The following CSAD variants were observed in gnomAD, a reference collection of about 807,000 sequenced individuals.
CSAD encodes cysteine sulfinic acid decarboxylase.
A neutral mutation model predicts 61.5 loss-of-function variants in CSAD; 47 were observed. The ratio of observed to expected loss-of-function variants is 0.76; its 90% CI spans 0.60 to 0.97. The LOEUF (loss-of-function observed/expected upper bound fraction) is 0.97. Ranked by LOEUF, CSAD falls within the 50% of genes least tolerant of loss-of-function variation. CSAD has a pLI of 0.00. For missense variants in CSAD, 611 were observed against 643.6 expected (o/e 0.95, Z 0.55); for synonymous variants, 245 against 252.7 (o/e 0.97, Z 0.29).
At chr12:53,169,999 G>T in intron 10 of CSAD, 73 bp downstream of exon 10, 1 of 1,331,876 alleles carries the variant, frequency 7.5e-7, no homozygotes, top group South Asian at 1.2e-5. Context: ...AGGATGCCTT[G>T]AGAAAGGAGA....
chr12:53,173,748 G>C lies in CSAD; in HGVS notation c.-27C>G. On this transcript the variant is annotated 5_prime_UTR_variant, in exon 3 of 17. Coordinates refer to ENST00000444623, the MANE Select transcript of CSAD (RefSeq NM_001244705.2). The stretch of plus-strand genomic sequence containing the variant: ...CTTACCTCTCTGCTCAGGAGAGCCG[G>C]AGGCAGGGTGCACAGGTAGCTCCTC... 6.2e-7 allele frequency: 1 copy of C among 1,613,100 alleles called. No individual in the cohort carries two copies. Among genetic ancestry groups the C allele is most frequent in the Non-Finnish European group, 8.5e-7 (1 of 1,179,212 alleles).
chr12:53,181,020 C>T (rs559372403), upstream of CSAD: 26 of 834,120 alleles, frequency 3.1e-5, no homozygotes, highest in African/African-American at 1.3e-4. Context: ...CCCCTGCCCG[C>T]GCGTCCCGCC....
rs1286212649 is a variant in CSAD at position 53,158,033 on chromosome 12, T to C, written c.*478A>G. ...ATAACATTTCATCATATAGACATAC[T>C]GTAATTTATTTAAACACTCTCCTAA... On this transcript the variant is annotated 3_prime_UTR_variant, in exon 17 of 17. Coordinates refer to ENST00000444623, the MANE Select transcript of CSAD (RefSeq NM_001244705.2). 1 of 152,304 alleles carries C rather than the reference T, an allele frequency of 6.6e-6. No individual in the cohort carries two copies. The highest frequency in any genetic ancestry group is 2.4e-5 in the African/African-American group (1 of 41,412). 9.4% of individuals were successfully genotyped at this position (152,304 alleles called of 1,614,324 possible). A position where few individuals can be genotyped will look rare whatever the true frequency, so the allele number is the denominator to read the frequency against.
intron 10 of CSAD, among the ~76,000 whole-genome samples, chr12:53,162,351 C>T (rs1291083681): frequency 2.0e-5 from 3 of 150,298 alleles, no homozygotes; most frequent in East Asian, 4.0e-4. Flanking sequence ...GGGTGGATCA[C>T]GAGATCAGGA....
rs1231322414 is a variant in CSAD at position 53,170,656 on chromosome 12, T to C, written c.568-154A>G. ...GAATCGCCTGGGTGTCTGGTTAAAA[T>C]GAAATGCAGGTTCTGGTCCACTAGG... On this transcript the variant is annotated intron_variant, in intron 8 of 16. Transcript: ENST00000444623. The C allele has an allele frequency of 1.2e-5, 8 of 654,590 alleles. No individual in the cohort carries two copies. The East Asian group carries it at 2.2e-4, about 18-fold the overall frequency. The allele number at this position is 654,590 out of a possible 1,614,324, so 40.5% of individuals were successfully genotyped here.
Position 53,180,848 on chromosome 12 carries a change from GCC to G in CSAD, c.-209_-208del. ...GGCCGCGCCTGGCAGGTAGGAGCAA[GCC>G]CCAAAGACCGCAGCGTCGTCCGTAC... is the stretch of plus-strand genomic sequence containing the variant. On this transcript the variant is annotated 5_prime_UTR_variant, in exon 1 of 17. Coordinates refer to ENST00000444623, the MANE Select transcript of CSAD (RefSeq NM_001244705.2). 1 of 1,267,396 alleles carries G rather than the reference GCC, an allele frequency of 7.9e-7. No individual in the cohort carries two copies. The highest frequency in any genetic ancestry group is 1.0e-6 in the Non-Finnish European group (1 of 980,478). 78.5% of individuals were successfully genotyped at this position (1,267,396 alleles called of 1,614,324 possible). A position where few individuals can be genotyped will look rare whatever the true frequency, so the allele number is the denominator to read the frequency against.
chr12:53,165,005 A>C (rs1939729062), intron 10 of CSAD, among the ~76,000 whole-genome samples: 1 of 152,242 alleles, frequency 6.6e-6, no homozygotes, highest in Admixed American at 6.5e-5. Flanking sequence ...CCTCACACCT[A>C]TTAGGATAAC....
intron 14 of CSAD, 66 bp downstream of exon 14, chr12:53,160,054 G>A: frequency 6.2e-7 from 1 of 1,604,336 alleles, no homozygotes; most frequent in African/African-American, 1.3e-5. Context: ...CCGGGAGCAG[G>A]AAAGAGGGAG....
At chr12:53,181,183 G>C, upstream of CSAD, 1 of 985,410 alleles carries the variant, frequency 1.0e-6, no homozygotes, top group Non-Finnish European at 1.2e-6. Context: ...GCCGCGCCGG[G>C]CTTCGCCTGC....
At chr12:53,178,682 G>T (rs1028738716) in intron 2 of CSAD, among the ~76,000 whole-genome samples, 1 of 152,092 alleles carries the variant, frequency 6.6e-6, no homozygotes, top group Non-Finnish European at 1.5e-5. Flanking sequence ...CTACTCAGGA[G>T]GCTAAGCCAG....
chr12:53,179,399 C>A (rs1941379685), intron 1 of CSAD, among the ~76,000 whole-genome samples: 1 of 152,104 alleles, frequency 6.6e-6, no homozygotes, highest in Non-Finnish European at 1.5e-5. Flanking sequence ...GCATATATAC[C>A]AAACTGGTAA....
In CSAD at chr12:53,174,503, A is replaced by G. The variant is rs576179288; in HGVS notation, c.-49-733T>C. 2.0e-5 allele frequency among the ~76,000 whole-genome samples: 3 copies of G among 151,998 alleles called. No homozygotes were observed. The South Asian group carries it at 6.2e-4, about 32-fold the overall frequency. On this transcript the variant is annotated intron_variant, in intron 2 of 16. Transcript: ENST00000444623. The stretch of plus-strand genomic sequence containing the variant: ...AAAATAACGGTTCTTTTTAAACAAT[A>G]TAAAAATTGTCCGCGTGTGGTGGCT...
At chr12:53,173,659 GA>G in intron 3 of CSAD, 68 bp downstream of exon 3, 1 of 1,446,930 alleles carries the variant, frequency 6.9e-7, no homozygotes, top group Non-Finnish European at 9.7e-7. Flanking sequence ...AGGTGGGAGA[GA>G]AAAGGCAGTC....
intron 10 of CSAD, among the ~76,000 whole-genome samples, chr12:53,162,836 C>A (rs978417207): frequency 6.6e-6 from 1 of 151,654 alleles, no homozygotes; most frequent in East Asian, 1.9e-4. Context: ...CCGAGGCGGG[C>A]GGATCACCTG....
chr12:53,180,481 GGCCGGGGCGCGCCCCGGCCACGGCGC>G (rs1941496743), intron 1 of CSAD: 1 of 1,216,704 alleles, frequency 8.2e-7, no homozygotes, highest in Admixed American at 3.5e-5. Flanking sequence ...TCTCGATGGC[GGCCGGGGCGCGCCCCGGCCACGGCGC>G]ACGCGCCGGC....
chr12:53,173,407 G>A lies in CSAD; in HGVS notation c.64C>T (p.Arg22Trp), dbSNP rs78921805. 1.8e-5 allele frequency: 29 copies of A among 1,614,186 alleles called. No individual in the cohort carries two copies. The highest frequency in any genetic ancestry group is 6.7e-5 in the African/African-American group (5 of 75,046). ...TCCACAACAACCCCAAACACGGCCC[G>A]GAGCAAGGCTTCCACAGCCACTGGG... ...GDPVAVEALLRAVFGVVVDEA... is the reference protein window; with the variant it reads ...GDPVAVEALLWAVFGVVVDEA... The change falls in exon 4 of 17, where the codon CGG becomes TGG. Residue 22 changes from arginine to tryptophan, a missense_variant. Transcript: ENST00000444623.
intron 8 of CSAD, chr12:53,170,922 T>C (rs957281355): frequency 1.1e-5 from 4 of 379,810 alleles, no homozygotes; most frequent in East Asian, 1.3e-4. Flanking sequence ...GGTTTCACTA[T>C]GTTTCCCAGG....
At chr12:53,163,495 C>T (rs1224214419) in intron 10 of CSAD, among the ~76,000 whole-genome samples, 3 of 151,934 alleles carry the variant, frequency 2.0e-5, no homozygotes, top group Non-Finnish European at 2.9e-5. Context: ...ACAGAATATA[C>T]AAAAATCAAT....
At chr12:53,172,736 A>G in intron 4 of CSAD, 88 bp from the exon 5 acceptor site, 2 of 1,412,598 alleles carry the variant, frequency 1.4e-6, no homozygotes, top group East Asian at 4.9e-5. Context: ...GACACGGCCA[A>G]CCTGCACTAA....
Sources: allele counts gnomAD v4.1 joint callset (sites outside exome capture counted in the v4.1 genomes callset), GRCh38; gene constraint gnomAD v4.1.1; transcripts MANE v1.5; gene names NCBI Gene and HGNC (gene_info 2026-07-23, HGNC 2026-07-21).